Variants in OPCML observed in about 807,000 individuals in gnomAD.
OPCML encodes the protein opioid binding protein/cell adhesion molecule like.
OPCML carries 13 observed loss-of-function variants against 37.8 expected under a neutral mutation model. The ratio of observed to expected loss-of-function variants is 0.34; its 90% CI spans 0.22 to 0.55. The LOEUF (loss-of-function observed/expected upper bound fraction) is 0.55, where lower values mean the gene tolerates loss of function less well. Among genes scored for constraint, OPCML ranks in the 20% least tolerant of loss-of-function variants. The pLI is 0.91. For missense variants in OPCML, 341 were observed against 435.6 expected (o/e 0.78, Z 1.93); for synonymous variants, 176 against 168.8 (o/e 1.04, Z -0.33).
At chr11:133,398,565 T>G (rs1307925011) in intron 1 of OPCML, among the ~76,000 whole-genome samples, 1 of 152,134 alleles carries the variant, frequency 6.6e-6, no homozygotes. Context: ...CATAAATTCC[T>G]TCTCTCTATT....
rs12806806 is a variant in OPCML at position 133,275,834 on chromosome 11, C to T, written c.61+256430G>A. Among the ~76,000 whole-genome samples, 4 of 152,174 alleles carry T rather than the reference C, an allele frequency of 2.6e-5. No homozygotes were observed. In the East Asian group the frequency reaches 5.8e-4, roughly 22 times the overall value. ...GTAATTGTTGGAGCTGCTACCATCTCCTTCCTTGACTCAAACCTGTGTCAT... is the reference window on the plus strand; with the variant it reads ...GTAATTGTTGGAGCTGCTACCATCTTCTTCCTTGACTCAAACCTGTGTCAT... On this transcript the variant is annotated intron_variant, in intron 1 of 7. Transcript: ENST00000524381.
At chr11:132,787,382 T>C (rs576071006) in intron 2 of OPCML, among the ~76,000 whole-genome samples, 36 of 152,356 alleles carry the variant, frequency 2.4e-4, no homozygotes, top group African/African-American at 8.2e-4. Context: ...TTATTTGTAA[T>C]AGGCCCTTTT....
intron 3 of OPCML, among the ~76,000 whole-genome samples, chr11:132,653,180 G>A (rs754502635): frequency 7.2e-5 from 11 of 152,102 alleles, no homozygotes; most frequent in East Asian, 3.9e-4. Context: ...GCATAGGATC[G>A]TATCTCCCCA....
At chr11:132,861,176 G>A (rs1942283890) in intron 2 of OPCML, among the ~76,000 whole-genome samples, 1 of 152,166 alleles carries the variant, frequency 6.6e-6, no homozygotes, top group African/African-American at 2.4e-5. Flanking sequence ...AAATGTAGCA[G>A]TTTCTAAACA....
At chr11:132,852,834 C>T (rs1459865205) in intron 2 of OPCML, among the ~76,000 whole-genome samples, 1 of 151,824 alleles carries the variant, frequency 6.6e-6, no homozygotes, top group Non-Finnish European at 1.5e-5. Context: ...CTTGGCAAGG[C>T]CTGCCGCCTG....
chr11:132,948,605 C>T (rs527554030), intron 1 of OPCML, among the ~76,000 whole-genome samples: 16 of 152,118 alleles, frequency 1.1e-4, no homozygotes, highest in African/African-American at 3.4e-4. Flanking sequence ...ATTAGCTAGC[C>T]CTAGGAGGGA....
chr11:132,599,479 G>A (rs1169464481), intron 3 of OPCML, among the ~76,000 whole-genome samples: 1 of 151,564 alleles, frequency 6.6e-6, no homozygotes, highest in Non-Finnish European at 1.5e-5. Flanking sequence ...GAGGAGAAGA[G>A]GAAAGAAAAA....
chr11:132,846,717 C>A (rs1319677584), intron 2 of OPCML, among the ~76,000 whole-genome samples: 3 of 152,140 alleles, frequency 2.0e-5, no homozygotes, highest in Non-Finnish European at 4.4e-5. Flanking sequence ...ATGTGACAGG[C>A]ACTGTGTGAA....
intron 1 of OPCML, among the ~76,000 whole-genome samples, chr11:133,027,402 T>A (rs549707464): frequency 2.0e-5 from 3 of 152,216 alleles, no homozygotes; most frequent in South Asian, 2.1e-4. Context: ...ACCATAGACA[T>A]GCTAGTTAAA....
At chr11:133,002,311 A>G (rs1052974862) in intron 1 of OPCML, among the ~76,000 whole-genome samples, 4 of 152,176 alleles carry the variant, frequency 2.6e-5, no homozygotes, top group African/African-American at 9.7e-5. Context: ...GCTGAGGTGC[A>G]AGACTAGACT....
At chr11:132,520,119 G>A (rs535629868) in intron 4 of OPCML, among the ~76,000 whole-genome samples, 2 of 152,300 alleles carry the variant, frequency 1.3e-5, no homozygotes, top group South Asian at 4.1e-4. Flanking sequence ...GGTAGGTGTG[G>A]ACTTAGGAAA....
chr11:133,130,424 A>G (rs1464054563), intron 1 of OPCML, among the ~76,000 whole-genome samples: 3 of 152,152 alleles, frequency 2.0e-5, no homozygotes, highest in African/African-American at 7.2e-5. Flanking sequence ...TTACATTAGC[A>G]CCAAAATATT....
At chr11:132,878,522 G>T (rs1249569538) in intron 2 of OPCML, among the ~76,000 whole-genome samples, 4 of 152,160 alleles carry the variant, frequency 2.6e-5, no homozygotes, top group Non-Finnish European at 4.4e-5. Context: ...TACACCAGTG[G>T]CTCTCCTGGG....
intron 1 of OPCML, among the ~76,000 whole-genome samples, chr11:133,376,361 C>G (rs1043886658): frequency 1.3e-5 from 2 of 152,012 alleles, no homozygotes; most frequent in African/African-American, 4.8e-5. Context: ...CCCAATGACA[C>G]AGGATTAGTT....
At chr11:132,951,838 A>G (rs7942674) in intron 1 of OPCML, among the ~76,000 whole-genome samples, 95,567 of 152,082 alleles carry the variant, frequency 0.63, 30,596 homozygotes, top group East Asian at 0.72. Context: ...GCCACTTTAG[A>G]ATTAGAAGTT....
intron 1 of OPCML, among the ~76,000 whole-genome samples, chr11:133,158,871 G>A (rs1345215283): frequency 6.6e-6 from 1 of 151,970 alleles, no homozygotes; most frequent in Non-Finnish European, 1.5e-5. Context: ...TCTGGAGGGG[G>A]CCATTCGTAC....
At chr11:133,186,121 G>T (rs890211727) in intron 1 of OPCML, among the ~76,000 whole-genome samples, 11 of 152,168 alleles carry the variant, frequency 7.2e-5, no homozygotes, top group Non-Finnish European at 1.5e-4. Context: ...GTTTGTTCAT[G>T]AGACTTGGCT....
rs561429698 is a variant in OPCML at position 133,450,396 on chromosome 11, AT to A, written c.61+81867del. ...ATCAATGACACATCGGTACAAATCC[AT>A]TTTTTTTTTTAAGATTTCTCACTTT... On this transcript the variant is annotated intron_variant, in intron 1 of 7. Coordinates refer to ENST00000524381, the MANE Select transcript of OPCML (RefSeq NM_001012393.5). 6.3e-4 allele frequency among the ~76,000 whole-genome samples: 92 copies of A among 146,626 alleles called. 4 individuals carry two copies. Among genetic ancestry groups the A allele is most frequent in the African/African-American group, 1.2e-3 (48 of 39,548 alleles).
rs1313647197 is a variant in OPCML, at chr11:132,657,268, G to A, written c.198C>T (p.Thr66=). Reference sequence around the variant, plus strand: ...ACTTGTCATTCCCAGCGTAGAGGATGGTGCTGCGGTTTAGCCAGGCCACCC... The same window carrying A: ...ACTTGTCATTCCCAGCGTAGAGGATAGTGCTGCGGTTTAGCCAGGCCACCC... ...VTRVAWLNRS[T]ILYAGNDKWS... The change falls in exon 3 of 8, where the codon ACC becomes ACT. Residue 66 remains threonine, a synonymous_variant. Transcript: ENST00000524381. The A allele has an allele frequency of 3.1e-6, 5 of 1,614,250 alleles. No individual in the cohort carries two copies. The South Asian group carries it at 4.4e-5, about 14-fold the overall frequency.
Sources: allele counts gnomAD v4.1 joint callset (sites outside exome capture counted in the v4.1 genomes callset), GRCh38; gene constraint gnomAD v4.1.1; transcripts MANE v1.5; gene names NCBI Gene and HGNC (gene_info 2026-07-23, HGNC 2026-07-21).